TUBB3: variants seen among roughly 807,000 people sequenced by gnomAD.
TUBB3 encodes tubulin beta-3 chain.
In TUBB3, 17 loss-of-function variants were observed where a neutral mutation model predicts 37.8. The ratio of observed to expected loss-of-function variants is 0.45; its 90% CI spans 0.31 to 0.67. The LOEUF is 0.67. Among genes scored for constraint, TUBB3 ranks in the 30% least tolerant of loss-of-function variants. TUBB3 has a pLI of 0.07. For synonymous variants in TUBB3, 332 were observed against 278.9 expected, an observed-to-expected ratio of 1.19 and a Z score of -1.90; for missense variants, 262 against 657.9, an observed-to-expected ratio of 0.40 and a Z score of 6.58.
At chr16:89,934,316 C>T in intron 3 of TUBB3, 2 of 477,640 alleles carry the variant, frequency 4.2e-6, no homozygotes, top group Middle Eastern at 3.5e-4. Flanking sequence ...TCACTTCTGC[C>T]TTCCCGACCG....
At chr16:89,924,534 C>A (rs910365970) in intron 1 of TUBB3, among the ~76,000 whole-genome samples, 4 of 151,902 alleles carry the variant, frequency 2.6e-5, no homozygotes, top group Admixed American at 1.3e-4. Flanking sequence ...AGCGCTGATT[C>A]TGGGAAGGAG....
At chr16:89,929,850 G>A (rs1392695957) in intron 1 of TUBB3, among the ~76,000 whole-genome samples, 3 of 152,094 alleles carry the variant, frequency 2.0e-5, no homozygotes, top group African/African-American at 2.4e-5. Flanking sequence ...ACAGGTGCTC[G>A]CCACCACGCC....
At chr16:89,933,876 C>T in intron 3 of TUBB3, 1 of 674,678 alleles carries the variant, frequency 1.5e-6, no homozygotes, top group South Asian at 1.6e-5. Flanking sequence ...CTCCGGGGTC[C>T]AGGAGCACGA....
upstream of TUBB3, among the ~76,000 whole-genome samples, chr16:89,922,875 A>G (rs2029929843): frequency 6.6e-6 from 1 of 152,218 alleles, no homozygotes; most frequent in Admixed American, 6.5e-5. Flanking sequence ...TCCCCCACCC[A>G]AAACCGGCAA....
intron 1 of TUBB3, among the ~76,000 whole-genome samples, chr16:89,926,688 C>T (rs1191027351): frequency 6.6e-6 from 1 of 152,296 alleles, no homozygotes; most frequent in East Asian, 1.9e-4. Flanking sequence ...ACCGCAGGCG[C>T]TCACCACCAC....
Position 89,933,456 on chromosome 16 carries a change from C to A in TUBB3, c.167-12C>A. 1 of 1,609,246 alleles carries A rather than the reference C, an allele frequency of 6.2e-7. No individual in the cohort carries two copies. Among genetic ancestry groups the A allele is most frequent in the Non-Finnish European group, 8.5e-7 (1 of 1,175,586 alleles). Reference sequence around the variant, plus strand: ...CTGTGACCCGAATCACCGAGCCCCTCTCTCCCCTCAGCTCACAAGTACGTG... The same window carrying A: ...CTGTGACCCGAATCACCGAGCCCCTATCTCCCCTCAGCTCACAAGTACGTG... On this transcript the variant is annotated splice_polypyrimidine_tract_variant and intron_variant, in intron 2 of 3. Coordinates refer to ENST00000315491, the MANE Select transcript of TUBB3 (RefSeq NM_006086.4).
chr16:89,923,517 G>A, intron 1 of TUBB3, 59 bp downstream of exon 1: 3 of 1,327,766 alleles, frequency 2.3e-6, no homozygotes, highest in East Asian at 3.3e-5. Flanking sequence ...GAGGCGCCGT[G>A]CCCCGCGGGC....
At chr16:89,924,154 G>A (rs1009564233) in intron 1 of TUBB3, among the ~76,000 whole-genome samples, 15 of 152,236 alleles carry the variant, frequency 9.9e-5, no homozygotes, top group Admixed American at 2.6e-4. Context: ...GCCGGGCTGT[G>A]GGGTGTGGAG....
chr16:89,932,827 AC>A (rs1329204826), intron 2 of TUBB3, 148 bp downstream of exon 2: 1 of 694,174 alleles, frequency 1.4e-6, no homozygotes, highest in African/African-American at 1.8e-5. Context: ...AGCAGGCGTA[AC>A]TGGATGTCAG....
intron 1 of TUBB3, among the ~76,000 whole-genome samples, chr16:89,928,147 CT>C (rs376473206): frequency 6.6e-6 from 1 of 151,842 alleles, no homozygotes; most frequent in African/African-American, 2.4e-5. Flanking sequence ...CTCCACCCCC[CT>C]GGCTCAAGTG....
chr16:89,928,273 C>G (rs1271068747), intron 1 of TUBB3, among the ~76,000 whole-genome samples: 1 of 151,320 alleles, frequency 6.6e-6, no homozygotes, highest in African/African-American at 2.4e-5. Context: ...CCAGGCTGGT[C>G]TTGAACTCCT....
intron 1 of TUBB3, 60 bp downstream of exon 1, chr16:89,923,518 C>T: frequency 1.5e-6 from 2 of 1,326,950 alleles, no homozygotes; most frequent in Non-Finnish European, 1.9e-6. Context: ...AGGCGCCGTG[C>T]CCCGCGGGCC....
At chr16:89,927,011 C>T (rs891212078) in intron 1 of TUBB3, among the ~76,000 whole-genome samples, 16 of 152,038 alleles carry the variant, frequency 1.1e-4, no homozygotes, top group African/African-American at 3.1e-4. Context: ...GCCACCACGC[C>T]GGGCCGATTT....
At chr16:89,922,399 T>C (rs535041437), upstream of TUBB3, among the ~76,000 whole-genome samples, 5 of 152,374 alleles carry the variant, frequency 3.3e-5, no homozygotes, top group East Asian at 9.6e-4. Flanking sequence ...CACTGTAATA[T>C]CTGGCCCAGG....
chr16:89,935,855 G>T lies in TUBB3; in HGVS notation c.*51G>T, dbSNP rs776445821. 8.3e-6 allele frequency: 13 copies of T among 1,574,526 alleles called. No individual in the cohort carries two copies. Among genetic ancestry groups the T allele is most frequent in the African/African-American group, 1.4e-5 (1 of 73,906 alleles). ...CAGGTGGCGGCCGGGGCCGAAGCCA[G>T]CAGTGTCTAAACCCCCGGAGCCATC... On this transcript the variant is annotated 3_prime_UTR_variant, in exon 4 of 4. Transcript: ENST00000315491.
chr16:89,932,251 C>A (rs2030304379), intron 1 of TUBB3: 4 of 441,870 alleles, frequency 9.1e-6, no homozygotes, highest in Admixed American at 3.5e-5. Context: ...ATTACCAATG[C>A]CCTTCATGGA....
In TUBB3 at chr16:89,933,490, C is replaced by T. The variant is rs146730216; in HGVS notation, c.189C>T (p.Ala63=). The part of the protein sequence containing the change: ...EASSHKYVPR[A]ILVDLEPGTM... ...CAGCTCACAAGTACGTGCCTCGAGC[C>T]ATTCTGGTGGACCTGGAACCCGGAA... The change falls in exon 3 of 4, where the codon GCC becomes GCT. Residue 63 remains alanine, a synonymous_variant. Transcript: ENST00000315491. The T allele has an allele frequency of 8.9e-5, 144 of 1,614,158 alleles. No homozygotes were observed. The African/African-American group carries it at 1.8e-3, about 20-fold the overall frequency.
At chr16:89,926,268 G>A (rs1427200682) in intron 1 of TUBB3, among the ~76,000 whole-genome samples, 2 of 152,216 alleles carry the variant, frequency 1.3e-5, no homozygotes, top group Non-Finnish European at 2.9e-5. Context: ...GGGCGGGGCT[G>A]GGGGCGGGGC....
upstream of TUBB3, chr16:89,923,206 G>A (rs1597417781): frequency 1.3e-5 from 3 of 227,840 alleles, no homozygotes; most frequent in Non-Finnish European, 2.5e-5. Flanking sequence ...CGCGGCGGGC[G>A]GGGACGCGCG....
Sources: gnomAD v4.1 joint callset for allele counts (sites outside exome capture counted in the v4.1 genomes callset) on GRCh38, gnomAD v4.1.1 for gene constraint, MANE v1.5 for transcripts, NCBI Gene and HGNC (gene_info 2026-07-23, HGNC 2026-07-21) for gene names.